LRRIQ3: variants seen among roughly 807,000 people sequenced by gnomAD.
LRRIQ3 encodes leucine-rich repeat and IQ domain-containing protein 3.
LRRIQ3 carries 75 observed loss-of-function variants against 59.3 expected under a neutral mutation model. That is an observed-to-expected ratio of 1.26 (90% confidence interval 1.05 to 1.53). The LOEUF is 1.53. Ranked by LOEUF, LRRIQ3 falls within the 40% of genes most tolerant of loss-of-function variation. The probability of loss-of-function intolerance (pLI) is 0.00; values close to 1 mark genes in which losing one functional copy is unlikely to be tolerated. For missense variants in LRRIQ3, 831 were observed against 710.0 expected (o/e 1.17, Z -1.94); for synonymous variants, 250 against 231.3 (o/e 1.08, Z -0.73).
At chr1:74,175,888 A>G (rs1173669454) in intron 3 of LRRIQ3, among the ~76,000 whole-genome samples, 1 of 152,162 alleles carries the variant, frequency 6.6e-6, no homozygotes, top group East Asian at 1.9e-4. Context: ...AAGTATGGAA[A>G]CCTTATCCCT....
At chr1:74,042,021 G>C in intron 6 of LRRIQ3, 88 bp from the exon 7 acceptor site, 1 of 1,287,742 alleles carries the variant, frequency 7.8e-7, no homozygotes, top group East Asian at 2.6e-5. Context: ...AACTTGATAA[G>C]AACCTTTTAT....
chr1:74,155,254 C>A (rs544328316), intron 4 of LRRIQ3, among the ~76,000 whole-genome samples: 1 of 152,294 alleles, frequency 6.6e-6, no homozygotes, highest in East Asian at 1.9e-4. Flanking sequence ...TATCATATCT[C>A]TGCAAGTACA....
At chr1:74,132,336 C>A (rs1647037471) in intron 4 of LRRIQ3, among the ~76,000 whole-genome samples, 1 of 152,036 alleles carries the variant, frequency 6.6e-6, no homozygotes, top group Non-Finnish European at 1.5e-5. Context: ...CCCCATCAAA[C>A]TACCAATGAC....
At chr1:74,140,822 C>G (rs544689090) in intron 4 of LRRIQ3, among the ~76,000 whole-genome samples, 2 of 151,842 alleles carry the variant, frequency 1.3e-5, no homozygotes, top group African/African-American at 4.8e-5. Context: ...ACACATCCTA[C>G]AGTTTGACTA....
Position 74,182,751 on chromosome 1 carries a change from G to A in LRRIQ3, c.360C>T (p.Ala120=), listed in dbSNP as rs1296741006. The A allele has an allele frequency of 3.1e-6, 5 of 1,611,970 alleles. No individual in the cohort carries two copies. Residue 120 remains alanine (A), a synonymous_variant, in exon 3 of 8, where the codon GCC becomes GCT. Transcript: ENST00000354431. ...TAGTGAGGGCAATGAGGGTTGGACA[G>A]GCAGATAATACACATATATTCTTTA... ...AKLKNICVLS[A]CPTLIALTMF...
At chr1:74,194,478 G>T (rs1432794775) in intron 1 of LRRIQ3, among the ~76,000 whole-genome samples, 1 of 152,118 alleles carries the variant, frequency 6.6e-6, no homozygotes, top group East Asian at 1.9e-4. Flanking sequence ...GAATTCATTT[G>T]TAATTATAAC....
rs1413220845 is a variant in LRRIQ3, at chr1:74,026,217, T to A, written c.*596A>T. 1 of 152,024 alleles carries A rather than the reference T, an allele frequency of 6.6e-6. No individual in the cohort carries two copies. The highest frequency in any genetic ancestry group is 2.4e-5 in the African/African-American group (1 of 41,430). The allele number at this position is 152,024 out of a possible 1,614,324, so 9.4% of individuals were successfully genotyped here. A position where few individuals can be genotyped will look rare whatever the true frequency, so the allele number is the denominator to read the frequency against. On this transcript the variant is annotated 3_prime_UTR_variant, in exon 8 of 8. Coordinates refer to ENST00000354431, the MANE Select transcript of LRRIQ3 (RefSeq NM_001105659.2). ...AGGGCAAACCCATCAAAAGTAAATATACAAAAATCTTACAGTCTTCAAGGA... is the reference window on the plus strand; with the variant it reads ...AGGGCAAACCCATCAAAAGTAAATAAACAAAAATCTTACAGTCTTCAAGGA...
At chr1:74,142,561 T>C (rs1194568025) in intron 4 of LRRIQ3, among the ~76,000 whole-genome samples, 8 of 151,998 alleles carry the variant, frequency 5.3e-5, no homozygotes, top group East Asian at 3.9e-4. Context: ...GTAACAGATA[T>C]AAGGCTGACT....
intron 3 of LRRIQ3, among the ~76,000 whole-genome samples, chr1:74,175,627 G>A (rs1649593798): frequency 6.6e-6 from 1 of 152,108 alleles, no homozygotes; most frequent in Non-Finnish European, 1.5e-5. Flanking sequence ...TCTACTGGGT[G>A]CTGTAACCTC....
At chr1:74,062,837 G>T (rs1054929336) in intron 6 of LRRIQ3, among the ~76,000 whole-genome samples, 3 of 151,994 alleles carry the variant, frequency 2.0e-5, no homozygotes, top group African/African-American at 7.2e-5. Flanking sequence ...ACTTGAAGGT[G>T]GTGGGTGTGA....
chr1:74,072,887 T>C (rs1286876041), intron 6 of LRRIQ3, among the ~76,000 whole-genome samples: 1 of 152,132 alleles, frequency 6.6e-6, no homozygotes, highest in African/African-American at 2.4e-5. Flanking sequence ...CTTTTATAAT[T>C]CATACATATA....
intron 1 of LRRIQ3, among the ~76,000 whole-genome samples, chr1:74,192,932 T>A (rs560989190): frequency 1.3e-5 from 2 of 152,278 alleles, no homozygotes; most frequent in African/African-American, 4.8e-5. Flanking sequence ...TATTTATTTA[T>A]GTTGTACATC....
chr1:74,132,259 G>A (rs577051948), intron 4 of LRRIQ3, among the ~76,000 whole-genome samples: 3 of 152,214 alleles, frequency 2.0e-5, no homozygotes, highest in South Asian at 2.1e-4. Context: ...CCATTCTCAC[G>A]GATAGGATGA....
At chr1:74,069,013 G>C (rs1654946032) in intron 6 of LRRIQ3, among the ~76,000 whole-genome samples, 1 of 152,000 alleles carries the variant, frequency 6.6e-6, no homozygotes, top group Non-Finnish European at 1.5e-5. Flanking sequence ...GCAAGACAAA[G>C]TATATAATGA....
At chr1:74,058,585 T>C (rs746936722) in intron 6 of LRRIQ3, among the ~76,000 whole-genome samples, 2 of 151,742 alleles carry the variant, frequency 1.3e-5, no homozygotes, top group Non-Finnish European at 2.9e-5. Context: ...AGAAGGGAAA[T>C]AGTCAGAGGT....
chr1:74,037,657 A>AAAC (rs962599107), intron 7 of LRRIQ3, among the ~76,000 whole-genome samples: 5 of 152,050 alleles, frequency 3.3e-5, no homozygotes, highest in African/African-American at 1.2e-4. Flanking sequence ...AAAAACAAAC[A>AAAC]AACAACAACA....
rs572000381 is a variant in LRRIQ3, at chr1:74,030,815, T to C, written c.1719-3846A>G. Among the ~76,000 whole-genome samples the C allele has an allele frequency of 5.3e-5, 8 of 152,288 alleles. No homozygotes were observed. In the East Asian group the frequency reaches 1.2e-3, roughly 22 times the overall value. ...ACAGCAAAAGAAACTACCATCAGAA[T>C]GAACAGACAACCTACAGAATGTGAG... On this transcript the variant is annotated intron_variant, in intron 7 of 7. Transcript: ENST00000354431.
intron 4 of LRRIQ3, among the ~76,000 whole-genome samples, chr1:74,143,701 A>G (rs1013209568): frequency 2.0e-5 from 3 of 151,482 alleles, no homozygotes; most frequent in Non-Finnish European, 3.0e-5. Context: ...ATAATTTACT[A>G]TAACAAATTA....
At chr1:74,148,286 A>T (rs1169495669) in intron 4 of LRRIQ3, among the ~76,000 whole-genome samples, 1 of 152,136 alleles carries the variant, frequency 6.6e-6, no homozygotes, top group Non-Finnish European at 1.5e-5. Flanking sequence ...GTAGTGGAGT[A>T]GTCTCAGTAT....
Sources: gnomAD v4.1 joint callset for allele counts (sites outside exome capture counted in the v4.1 genomes callset) on GRCh38, gnomAD v4.1.1 for gene constraint, MANE v1.5 for transcripts, NCBI Gene and HGNC (gene_info 2026-07-23, HGNC 2026-07-21) for gene names.